The following HEATR4 variants were observed in gnomAD, a reference collection of about 807,000 sequenced individuals.
The protein encoded by HEATR4 is HEAT repeat containing 4.
Under a neutral mutation model 108.8 loss-of-function variants are expected in HEATR4, and 95 were observed. The observed-to-expected ratio is 0.87, with a 90% confidence interval of 0.74 to 1.04. HEATR4 has a LOEUF of 1.04. Ranked by LOEUF, HEATR4 falls within the 50% of genes least tolerant of loss-of-function variation. The pLI, the probability that HEATR4 is intolerant of heterozygous loss-of-function variation, is 0.00. For synonymous variants in HEATR4, 443 were observed against 459.4 expected (o/e 0.96, Z 0.46); for missense variants, 1,152 against 1,253.8 (o/e 0.92, Z 1.23).
the HEATR4 span, among the ~76,000 whole-genome samples, chr14:73,570,500 C>T: frequency 6.6e-6 from 1 of 151,914 alleles, no homozygotes; most frequent in East Asian, 1.9e-4. Context: ...ACCCGGGAGG[C>T]AGAGTTTGTA....
the HEATR4 span, among the ~76,000 whole-genome samples, chr14:73,622,528 TA>T: frequency 6.6e-6 from 1 of 151,850 alleles, no homozygotes; most frequent in East Asian, 2.0e-4. Flanking sequence ...TCAGCTTCCC[TA>T]GTAGCTGAGA....
chr14:73,553,593 T>G lies in HEATR4; in HGVS notation c.-152+5158A>C, dbSNP rs796904360. Among the ~76,000 whole-genome samples the G allele has an allele frequency of 6.1e-5, 7 of 114,556 alleles. 2 individuals are homozygous for G. The highest frequency in any genetic ancestry group is 2.0e-4 in the Admixed American group (2 of 10,216). The allele number at this position is 114,556 out of a possible 152,430, so 75.2% of individuals were successfully genotyped here. A position where few individuals can be genotyped will look rare whatever the true frequency, so the allele number is the denominator to read the frequency against. ...AAATTATTGCTGTGGAGGATACACTTGAAGGGAATGAAAAAAAGTATAGGA... is the reference window on the plus strand; with the variant it reads ...AAATTATTGCTGTGGAGGATACACTGGAAGGGAATGAAAAAAAGTATAGGA... On this transcript the variant is annotated intron_variant, in intron 1 of 17. Coordinates refer to ENST00000553558, the MANE Select transcript of HEATR4 (RefSeq NM_001220484.1).
At chr14:73,561,261 G>A (rs1238922987), upstream of HEATR4, among the ~76,000 whole-genome samples, 1 of 151,864 alleles carries the variant, frequency 6.6e-6, no homozygotes, top group Non-Finnish European at 1.5e-5. Context: ...AGCTACTCAG[G>A]AGACCGAGGC....
chr14:73,560,021 C>T (rs1471817989), upstream of HEATR4, among the ~76,000 whole-genome samples: 2 of 152,050 alleles, frequency 1.3e-5, no homozygotes, highest in Non-Finnish European at 2.9e-5. Context: ...GATTATTAGC[C>T]ATTAACACTA....
intron 2 of HEATR4, among the ~76,000 whole-genome samples, chr14:73,527,562 A>AAT (rs1888412286): frequency 6.6e-6 from 1 of 151,298 alleles, no homozygotes. Context: ...AAGAAAAAAA[A>AAT]TCAAGCATCA....
rs370838005 is a variant in HEATR4, at chr14:73,492,636, C to T, written c.2844+430G>A. Reference sequence around the variant, plus strand: ...GCTGGAGAACCTGTAAACGTGGGGGCCCAGTTGACAACAGAAACAGAAGTC... The same window carrying T: ...GCTGGAGAACCTGTAAACGTGGGGGTCCAGTTGACAACAGAAACAGAAGTC... On this transcript the variant is annotated intron_variant, in intron 17 of 17. Coordinates refer to ENST00000553558, the MANE Select transcript of HEATR4 (RefSeq NM_001220484.1). This position sits in a 1 kb window ranked among gnomAD's most constrained non-coding sequence, Gnocchi z 4.9. 7 of 1,613,798 alleles carry T rather than the reference C, an allele frequency of 4.3e-6. No individual in the cohort carries two copies. The African/African-American group carries it at 8.0e-5, about 18-fold the overall frequency.
chr14:73,528,024 C>A (rs36059280), intron 2 of HEATR4, among the ~76,000 whole-genome samples: 26,712 of 149,408 alleles, frequency 0.18, 3,049 homozygotes, highest in South Asian at 0.25. Context: ...TGCCCTTTAG[C>A]CTGTGACGTA....
At chr14:73,526,744 C>T (rs1378385560) in intron 2 of HEATR4, among the ~76,000 whole-genome samples, 1 of 152,236 alleles carries the variant, frequency 6.6e-6, no homozygotes, top group African/African-American at 2.4e-5. Flanking sequence ...GGATTCCCCA[C>T]CTGCTGACTA....
chr14:73,558,279 T>C (rs200800245), intron 1 of HEATR4, among the ~76,000 whole-genome samples: 11,845 of 126,266 alleles, frequency 0.094, 828 homozygotes, highest in African/African-American at 0.14. Flanking sequence ...TTTCTAATTT[T>C]TTACCATGCA....
At chr14:73,544,473 T>G (rs1889200590) in intron 1 of HEATR4, among the ~76,000 whole-genome samples, 1 of 115,422 alleles carries the variant, frequency 8.7e-6, no homozygotes, top group Non-Finnish European at 1.9e-5. Context: ...AATACATATT[T>G]AGTTCTTTGA....
chr14:73,502,486 ACCTGGT>A (rs1472562602), intron 11 of HEATR4, among the ~76,000 whole-genome samples: 1 of 151,782 alleles, frequency 6.6e-6, no homozygotes, highest in East Asian at 1.9e-4. Flanking sequence ...TTACAGTGGG[ACCTGGT>A]CCAGGGTCCG....
At chr14:73,606,482 C>T in the HEATR4 span, among the ~76,000 whole-genome samples, 1 of 152,072 alleles carries the variant, frequency 6.6e-6, no homozygotes, top group Admixed American at 6.5e-5. Context: ...GTGTGAATTA[C>T]TCTTTCTCTA....
intron 2 of HEATR4, among the ~76,000 whole-genome samples, chr14:73,526,681 AC>A (rs777316039): frequency 1.8e-4 from 27 of 152,094 alleles, no homozygotes; most frequent in Non-Finnish European, 3.8e-4. Context: ...TTCCAGACCT[AC>A]CCTGCGCCAG....
intron 5 of HEATR4, among the ~76,000 whole-genome samples, 174 bp downstream of exon 5, chr14:73,518,849 A>G (rs1356473473): frequency 6.6e-6 from 1 of 152,162 alleles, no homozygotes; most frequent in African/African-American, 2.4e-5. Context: ...AGTTATAGTT[A>G]GTATTTTATA....
intron 17 of HEATR4, among the ~76,000 whole-genome samples, chr14:73,484,627 G>A (rs865798647): frequency 1.3e-5 from 2 of 152,052 alleles, no homozygotes; most frequent in African/African-American, 2.4e-5. Context: ...TGATCCTCCC[G>A]CCTCAGCCTC....
chr14:73,569,952 C>T, the HEATR4 span: 2 of 1,514,852 alleles, frequency 1.3e-6, no homozygotes, highest in African/African-American at 1.4e-5. Flanking sequence ...CCGCCCCACG[C>T]TTTTCGCTTA....
Position 73,500,698 on chromosome 14 carries a change from C to A in HEATR4, c.2138G>T (p.Arg713Leu), listed in dbSNP as rs141137854. 1.2e-6 allele frequency: 2 copies of A among 1,614,016 alleles called. No individual in the cohort carries two copies. Among genetic ancestry groups the A allele is most frequent in the East Asian group, 4.5e-5 (2 of 44,884 alleles). The change falls in exon 12 of 18, where the codon CGT becomes CTT. Residue 713 changes from arginine to leucine, a missense_variant. Arg to Leu is a moderately radical substitution (Grantham distance 102, BLOSUM62 -2). Transcript: ENST00000553558. ...ACCTATCAGGTAGAGAGCTTCCACA[C>A]GCTCCTGGGAATTTCCTTGACCTAG... is the stretch of plus-strand genomic sequence containing the variant. ...VKLGQGNSQERVEALYLIGEL... is the reference protein window; with the variant it reads ...VKLGQGNSQELVEALYLIGEL...
At chr14:73,572,344 G>GA in the HEATR4 span, among the ~76,000 whole-genome samples, 15 of 148,704 alleles carry the variant, frequency 1.0e-4, no homozygotes, top group East Asian at 1.8e-3. Flanking sequence ...CAAAAGAAAA[G>GA]AAAAAAAAAG....
At chr14:73,498,452 T>C in intron 13 of HEATR4, 108 bp from the exon 14 acceptor site, 2 of 966,400 alleles carry the variant, frequency 2.1e-6, no homozygotes, top group Non-Finnish European at 1.5e-6. Flanking sequence ...TGGATGGTAA[T>C]CACCATTAGA....
Sources: allele counts gnomAD v4.1 joint callset (sites outside exome capture counted in the v4.1 genomes callset), GRCh38; gene constraint gnomAD v4.1.1; non-coding constraint Gnocchi (gnomAD v3.1); transcripts MANE v1.5; gene names NCBI Gene and HGNC (gene_info 2026-07-23, HGNC 2026-07-21).